Variants in CEP97 observed in about 807,000 individuals in gnomAD.
CEP97 encodes centrosomal protein 97.
Under a neutral mutation model 73.1 loss-of-function variants are expected in CEP97, and 43 were observed. The observed-to-expected ratio is 0.59, with a 90% CI of 0.46 to 0.76. The LOEUF is 0.76. Ranked by LOEUF, CEP97 falls within the 30% of genes least tolerant of loss-of-function variation. The probability of loss-of-function intolerance (pLI) is 0.00; values close to 1 mark genes in which losing one functional copy is unlikely to be tolerated. For missense variants in CEP97, 939 were observed against 1,014.0 expected, an observed-to-expected ratio of 0.93 and a Z score of 1.00; for synonymous variants, 337 against 370.0, an observed-to-expected ratio of 0.91 and a Z score of 1.02.
chr3:101,730,231 T>TGTTGTTTTG (rs1553787368), intron 4 of CEP97, among the ~76,000 whole-genome samples: 1 of 144,888 alleles, frequency 6.9e-6, no homozygotes, highest in African/African-American at 2.5e-5. Flanking sequence ...CGAGTCTGTT[T>TGTTGTTTTG]TTTTGTTTTG....
At position 101,751,364 on chromosome 3, in the gene CEP97, T is replaced by TGGTGC. The variant is rs1316606308; in HGVS notation, c.729-4065_729-4061dup. ...GGTCAATTTTGGAATAGGTGTGGTGTGGTGCTGAAAAAAATGTATATTCTT... is the reference window on the plus strand; with the variant it reads ...GGTCAATTTTGGAATAGGTGTGGTGTGGTGCGGTGCTGAAAAAAATGTATATTCTT... On this transcript the variant is annotated intron_variant, in intron 6 of 10. Transcript: ENST00000341893. Among the ~76,000 whole-genome samples the TGGTGC allele has an allele frequency of 2.6e-5, 4 of 152,176 alleles. No homozygotes were observed. The East Asian group carries it at 7.7e-4, about 29-fold the overall frequency.
intron 6 of CEP97, among the ~76,000 whole-genome samples, chr3:101,748,121 C>A (rs1436471736): frequency 1.0e-5 from 1 of 100,070 alleles, no homozygotes; most frequent in Non-Finnish European, 1.8e-5. Flanking sequence ...GGCAGAGAGA[C>A]CTTGTCTCAA....
At chr3:101,762,640 A>C (rs1000900388) in intron 10 of CEP97, 80 bp downstream of exon 10, 1 of 1,065,466 alleles carries the variant, frequency 9.4e-7, no homozygotes, top group Non-Finnish European at 1.4e-6. Flanking sequence ...TAGAGTACTC[A>C]GGTGTATTAA....
intron 9 of CEP97, among the ~76,000 whole-genome samples, chr3:101,761,347 C>G (rs2107190964): frequency 6.6e-6 from 1 of 152,210 alleles, no homozygotes; most frequent in African/African-American, 2.4e-5. Flanking sequence ...ATGATTTGGT[C>G]TAGGGTGAGA....
Position 101,765,828 on chromosome 3 carries a change from T to A in CEP97, c.*277T>A, listed in dbSNP as rs1939304792. 2 of 269,540 alleles carry A rather than the reference T, an allele frequency of 7.4e-6. No homozygotes were observed. The highest frequency in any genetic ancestry group is 4.4e-5 in the African/African-American group (2 of 45,150). The allele number at this position is 269,540 out of a possible 1,614,324, so 16.7% of individuals were successfully genotyped here. A position where few individuals can be genotyped will look rare whatever the true frequency, so the allele number is the denominator to read the frequency against. ...CTGAATTGCATCAACAATGTTCCTG[T>A]TTCTTTCATGTACTCATTTACTTTC... is the stretch of plus-strand genomic sequence containing the variant. On this transcript the variant is annotated 3_prime_UTR_variant, in exon 11 of 11. Coordinates refer to ENST00000341893, the MANE Select transcript of CEP97 (RefSeq NM_024548.4).
chr3:101,759,665 A>C (rs1296084324), intron 9 of CEP97, among the ~76,000 whole-genome samples: 1 of 152,204 alleles, frequency 6.6e-6, no homozygotes, highest in Non-Finnish European at 1.5e-5. Context: ...ATTATCTCCC[A>C]GGAGTCAGTC....
In CEP97 at chr3:101,745,675, C is replaced by T. The variant is rs1303808499; in HGVS notation, c.729-9755C>T. Among the ~76,000 whole-genome samples the T allele has an allele frequency of 2.0e-5, 3 of 151,500 alleles. No homozygotes were observed. The East Asian group carries it at 5.8e-4, about 29-fold the overall frequency. On this transcript the variant is annotated intron_variant, in intron 6 of 10. Transcript: ENST00000341893. ...GGCTTCAACAATTGTCAATATTCTG[C>T]CAGTCTTGTTTCATTCCACATTTTT... is the stretch of plus-strand genomic sequence containing the variant.
In CEP97 at chr3:101,728,939, T is replaced by A; in HGVS notation, c.447+2T>A. ...CTATCTAAATTGGTATCCCTGAAAG[T>A]AAGTATGTTTTCTTTGTCATTTGTG... is the stretch of plus-strand genomic sequence containing the variant. On this transcript the variant is annotated splice_donor_variant, in intron 4 of 10. Coordinates refer to ENST00000341893, the MANE Select transcript of CEP97 (RefSeq NM_024548.4). LOFTEE classifies it high-confidence loss of function. 1 of 1,427,158 alleles carries A rather than the reference T, an allele frequency of 7.0e-7. No homozygotes were observed. The highest frequency in any genetic ancestry group is 9.9e-7 in the Non-Finnish European group (1 of 1,014,642). 88.4% of individuals were successfully genotyped at this position (1,427,158 alleles called of 1,614,324 possible).
rs1939027059 is a variant in CEP97 at position 101,757,110 on chromosome 3, C to T, written c.941C>T (p.Ser314Phe). ...AACCAAAGCCAAAATGAAGAGTTGT[C>T]TCCTCTTGTTCCTGTTGAAACAAGG... is the stretch of plus-strand genomic sequence containing the variant. Reference protein sequence around the residue: ...LMNQSQNEELSPLVPVETRAS... With the variant: ...LMNQSQNEELFPLVPVETRAS... Residue 314 changes from serine (S) to phenylalanine (F), a missense_variant, in exon 8 of 11, where the codon TCT (serine) becomes TTT (phenylalanine). Coordinates refer to ENST00000341893, the MANE Select transcript of CEP97 (RefSeq NM_024548.4). 1 of 1,612,998 alleles carries T rather than the reference C, an allele frequency of 6.2e-7. No individual in the cohort carries two copies. Among genetic ancestry groups the T allele is most frequent in the African/African-American group, 1.3e-5 (1 of 74,970 alleles).
intron 6 of CEP97, among the ~76,000 whole-genome samples, chr3:101,748,255 G>A (rs1000002030): frequency 2.7e-5 from 4 of 149,948 alleles, no homozygotes; most frequent in African/African-American, 9.8e-5. Context: ...TTTTTACGTA[G>A]GATTTAATAT....
rs1460760326 is a variant in CEP97 at position 101,765,566 on chromosome 3, G to A, written c.*15G>A. 1 of 1,569,326 alleles carries A rather than the reference G, an allele frequency of 6.4e-7. No individual in the cohort carries two copies. The highest frequency in any genetic ancestry group is 8.7e-7 in the Non-Finnish European group (1 of 1,154,324). ...TTACTGTGTAGCATGTCTTTTGGGA[G>A]GCAGATATCCACTTAACTTTTCTTA... is the stretch of plus-strand genomic sequence containing the variant. On this transcript the variant is annotated 3_prime_UTR_variant, in exon 11 of 11. Transcript: ENST00000341893.
chr3:101,725,153 C>T (rs921688188), intron 1 of CEP97, among the ~76,000 whole-genome samples: 1 of 152,238 alleles, frequency 6.6e-6, no homozygotes, highest in African/African-American at 2.4e-5. Flanking sequence ...GAGACCGCTG[C>T]CTAGTCTGGC....
chr3:101,755,388 A>G (rs1560018581), intron 6 of CEP97, 42 bp from the exon 7 acceptor site: 8 of 1,574,658 alleles, frequency 5.1e-6, no homozygotes, highest in Non-Finnish European at 6.1e-6. Flanking sequence ...TGTGTTGACT[A>G]TTCTCATGCC....
chr3:101,742,821 T>C (rs375679632), intron 6 of CEP97, among the ~76,000 whole-genome samples: 5 of 151,400 alleles, frequency 3.3e-5, no homozygotes, highest in African/African-American at 1.2e-4. Context: ...TTAAGAATTG[T>C]AGAAGTACAG....
At chr3:101,764,775 C>T in intron 10 of CEP97, 72 bp from the exon 11 acceptor site, 5 of 1,351,470 alleles carry the variant, frequency 3.7e-6, no homozygotes, top group Non-Finnish European at 5.0e-6. Flanking sequence ...AGAGCGAGAC[C>T]CTGTCTCAAA....
chr3:101,759,879 G>A (rs951138815), intron 9 of CEP97, among the ~76,000 whole-genome samples: 3 of 151,874 alleles, frequency 2.0e-5, no homozygotes, highest in Non-Finnish European at 2.9e-5. Flanking sequence ...GTTGTTTTGA[G>A]GAAAACAAGA....
intron 6 of CEP97, among the ~76,000 whole-genome samples, chr3:101,733,890 G>A (rs1938196165): frequency 1.3e-5 from 2 of 151,618 alleles, no homozygotes; most frequent in Admixed American, 6.6e-5. Context: ...GCAATGGCGC[G>A]ATCTCTGCTC....
chr3:101,755,879 T>G (rs1413911020), intron 7 of CEP97, among the ~76,000 whole-genome samples: 1 of 152,026 alleles, frequency 6.6e-6, no homozygotes. Flanking sequence ...CAGTTGCAAC[T>G]ACAGGTGCAT....
At chr3:101,730,781 G>A (rs183890401) in intron 4 of CEP97, among the ~76,000 whole-genome samples, 356 of 152,146 alleles carry the variant, frequency 2.3e-3, no homozygotes, top group Middle Eastern at 6.8e-3. Flanking sequence ...TGCCTCATTG[G>A]ATATTATTAC....
Sources: gnomAD v4.1 joint callset for allele counts (sites outside exome capture counted in the v4.1 genomes callset) on GRCh38, gnomAD v4.1.1 for gene constraint, MANE v1.5 for transcripts, NCBI Gene and HGNC (gene_info 2026-07-23, HGNC 2026-07-21) for gene names.